The following IFIH1 variants were observed in gnomAD, a reference collection of about 807,000 sequenced individuals.
IFIH1 encodes interferon induced with helicase C domain 1.
In IFIH1, 125 loss-of-function variants were observed where a neutral mutation model predicts 107.4. The observed-to-expected ratio is 1.16, with a 90% confidence interval of 1.01 to 1.35. The LOEUF (loss-of-function observed/expected upper bound fraction) is 1.35, where lower values mean the gene tolerates loss of function less well. IFIH1 is among the 40% of genes most tolerant of loss of function. The pLI is 0.00. For missense variants in IFIH1, 1,333 were observed against 1,213.7 expected, an observed-to-expected ratio of 1.10 and a Z score of -1.46; for synonymous variants, 458 against 413.2, an observed-to-expected ratio of 1.11 and a Z score of -1.31.
chr2:162,295,080 C>T (rs934514315), intron 3 of IFIH1, among the ~76,000 whole-genome samples: 3 of 151,856 alleles, frequency 2.0e-5, no homozygotes, highest in African/African-American at 7.2e-5. Flanking sequence ...AGTTTTGCAA[C>T]TTTGAAGAGG....
chr2:162,272,446 G>T lies in IFIH1; in HGVS notation c.2455-59C>A, dbSNP rs572158333. The T allele has an allele frequency of 1.2e-4, 166 of 1,430,886 alleles. No individual in the cohort carries two copies. The Middle Eastern group carries it at 2.7e-3, about 23-fold the overall frequency. 88.6% of individuals were successfully genotyped at this position (1,430,886 alleles called of 1,614,324 possible). A position where few individuals can be genotyped will look rare whatever the true frequency, so the allele number is the denominator to read the frequency against. ...GTACGTTGTGATACAAATCCTCCTG[G>T]TTTTTTCTGGGAATGATATTCTTGC... On this transcript the variant is annotated intron_variant, in intron 12 of 15. Coordinates refer to ENST00000649979, the MANE Select transcript of IFIH1 (RefSeq NM_022168.4).
In IFIH1 at chr2:162,310,927, C is replaced by G. The variant is rs376114651; in HGVS notation, c.460G>C (p.Ala154Pro). Residue 154 changes from alanine (A) to proline (P), a missense_variant, in exon 2 of 16, where the codon GCT becomes CCT. Physicochemically the swap from Ala to Pro is conservative, Grantham distance 27. Transcript: ENST00000649979. ...LTIEDRNRIA[A>P]AENNGNESGV... ...GATTCATTTCCATTGTTTTCTGCAG[C>G]AGCAATCTGTTGTAAGAGAAAATTA... 16 of 1,612,064 alleles carry G rather than the reference C, an allele frequency of 9.9e-6. No homozygotes were observed. The highest frequency in any genetic ancestry group is 1.1e-5 in the Non-Finnish European group (13 of 1,178,922).
chr2:162,298,588 AC>A (rs1683136460), intron 3 of IFIH1, among the ~76,000 whole-genome samples: 1 of 152,080 alleles, frequency 6.6e-6, no homozygotes, highest in African/African-American at 2.4e-5. Context: ...GGTCCAAGCT[AC>A]CCCGAAAGCT....
chr2:162,318,390 G>T lies in IFIH1; in HGVS notation c.-83C>A. ...GGACAGGTGAAATGTGCGTGCCGCT[G>T]TCCGCTGCCCACTTAGAGAAGCAGG... On this transcript the variant is annotated 5_prime_UTR_variant, in exon 1 of 16. Transcript: ENST00000649979. 1 of 1,134,254 alleles carries T rather than the reference G, an allele frequency of 8.8e-7. No homozygotes were observed. Among genetic ancestry groups the T allele is most frequent in the Non-Finnish European group, 1.3e-6 (1 of 769,306 alleles). The allele number at this position is 1,134,254 out of a possible 1,614,324, so 70.3% of individuals were successfully genotyped here. A position where few individuals can be genotyped will look rare whatever the true frequency, so the allele number is the denominator to read the frequency against.
rs77015348 is a variant in IFIH1, at chr2:162,311,892, G to A, written c.454-959C>T. On this transcript the variant is annotated intron_variant, in intron 1 of 15. Coordinates refer to ENST00000649979, the MANE Select transcript of IFIH1 (RefSeq NM_022168.4). ...TCTTAGCTGCATGTTAGAAACAACC[G>A]TAAAGCCTTAAAAAATACTGATGTC... Among the ~76,000 whole-genome samples the A allele has an allele frequency of 4.6e-3, 693 of 152,234 alleles. 30 individuals carry two copies. The East Asian group carries it at 0.11, about 24-fold the overall frequency.
Position 162,288,359 on chromosome 2 carries a change from A to C in IFIH1, c.875-4T>G. ...CTTGCTGCCACATTCTCTTCATCTG[A>C]AGAAGGTTGAAAAGAAAAATAAGAG... On this transcript the variant is annotated splice_polypyrimidine_tract_variant and splice_region_variant and intron_variant, in intron 4 of 15. Coordinates refer to ENST00000649979, the MANE Select transcript of IFIH1 (RefSeq NM_022168.4). 1.9e-6 allele frequency: 3 copies of C among 1,608,440 alleles called. No homozygotes were observed. The highest frequency in any genetic ancestry group is 2.6e-6 in the Non-Finnish European group (3 of 1,175,730).
chr2:162,284,912 A>T (rs1251473056), intron 5 of IFIH1, among the ~76,000 whole-genome samples: 2 of 151,940 alleles, frequency 1.3e-5, no homozygotes, highest in African/African-American at 4.8e-5. Flanking sequence ...TTCTGCCCAT[A>T]AAAGGTGAGT....
Position 162,281,443 on chromosome 2 carries a change from C to G in IFIH1, c.1409G>C (p.Arg470Thr). 6.2e-7 allele frequency: 1 copy of G among 1,612,440 alleles called. No homozygotes were observed. Among genetic ancestry groups the G allele is most frequent in the Non-Finnish European group, 8.5e-7 (1 of 1,178,966 alleles). Residue 470 changes from arginine (R) to threonine (T), a missense_variant, in exon 7 of 16, where the codon AGA becomes ACA. By Grantham distance (71) the Arg-to-Thr change is moderately conservative. Transcript: ENST00000649979. ...CACTGGTTTGTTTTCTTTCTTGAGT[C>G]TATTGTTTTTCAACTTCTGCATCAA... ...HYLMQKLKNN[R>T]LKKENKPVIP...
intron 3 of IFIH1, among the ~76,000 whole-genome samples, chr2:162,300,509 C>T (rs1051777481): frequency 6.6e-6 from 1 of 152,072 alleles, no homozygotes; most frequent in African/African-American, 2.4e-5. Flanking sequence ...TATAACTGAC[C>T]CAGATACCTC....
intron 4 of IFIH1, among the ~76,000 whole-genome samples, chr2:162,288,781 G>A (rs1682941973): frequency 6.6e-6 from 1 of 151,932 alleles, no homozygotes; most frequent in Non-Finnish European, 1.5e-5. Flanking sequence ...ACAAAATCAA[G>A]AGGAGCTGAG....
intron 2 of IFIH1, among the ~76,000 whole-genome samples, chr2:162,307,839 T>C (rs1165964881): frequency 6.6e-6 from 1 of 152,208 alleles, no homozygotes; most frequent in Admixed American, 6.5e-5. Context: ...TTAATTTATT[T>C]TGCACTCACA....
At chr2:162,297,335 T>C (rs1047007622) in intron 3 of IFIH1, among the ~76,000 whole-genome samples, 1 of 152,176 alleles carries the variant, frequency 6.6e-6, no homozygotes, top group African/African-American at 2.4e-5. Flanking sequence ...AATAAAGTCC[T>C]GCGTTTATGA....
At chr2:162,275,226 C>G (rs768095685) in intron 11 of IFIH1, among the ~76,000 whole-genome samples, 1 of 152,118 alleles carries the variant, frequency 6.6e-6, no homozygotes, top group African/African-American at 2.4e-5. Context: ...TTTTGGCACA[C>G]AGCCCCTTGG....
At chr2:162,299,075 G>A (rs1683147229) in intron 3 of IFIH1, among the ~76,000 whole-genome samples, 1 of 152,182 alleles carries the variant, frequency 6.6e-6, no homozygotes, top group Non-Finnish European at 1.5e-5. Flanking sequence ...TAATGAGGTT[G>A]GCTTAGATTG....
intron 12 of IFIH1, among the ~76,000 whole-genome samples, chr2:162,272,921 T>C (rs1043734432): frequency 2.0e-5 from 3 of 152,226 alleles, no homozygotes; most frequent in African/African-American, 7.2e-5. Flanking sequence ...AGGTATATTT[T>C]GATTAATAGA....
intron 2 of IFIH1, among the ~76,000 whole-genome samples, chr2:162,307,614 C>T (rs1293118373): frequency 2.0e-5 from 3 of 152,086 alleles, no homozygotes; most frequent in African/African-American, 7.2e-5. Flanking sequence ...GAGTTTTTGC[C>T]TTTATGAAGC....
intron 1 of IFIH1, among the ~76,000 whole-genome samples, chr2:162,314,430 T>C (rs941842970): frequency 9.3e-6 from 1 of 107,416 alleles, no homozygotes; most frequent in Non-Finnish European, 1.7e-5. Flanking sequence ...CTTTCTTTCT[T>C]TCTTTCTTTC....
intron 2 of IFIH1, 134 bp from the exon 3 acceptor site, chr2:162,306,989 T>C (rs1425464879): frequency 3.1e-6 from 2 of 653,282 alleles, no homozygotes; most frequent in Admixed American, 3.0e-5. Flanking sequence ...TTAAATACTT[T>C]GAAGTTCTGA....
intron 3 of IFIH1, among the ~76,000 whole-genome samples, chr2:162,296,157 A>T (rs985696718): frequency 1.3e-5 from 2 of 152,084 alleles, no homozygotes; most frequent in Non-Finnish European, 2.9e-5. Context: ...AACCTACTTC[A>T]TCTACATGTA....
Sources: gnomAD v4.1 joint callset for allele counts (sites outside exome capture counted in the v4.1 genomes callset) on GRCh38, gnomAD v4.1.1 for gene constraint, MANE v1.5 for transcripts, NCBI Gene and HGNC (gene_info 2026-07-23, HGNC 2026-07-21) for gene names.